Variants in CLDN9 observed in about 807,000 individuals in gnomAD.
The protein encoded by CLDN9 is claudin 9.
In CLDN9, 14 loss-of-function variants were observed where a neutral mutation model predicts 10.1. That is an observed-to-expected ratio of 1.38 (90% confidence interval 0.91 to 2.16). CLDN9 has a LOEUF of 2.16. Ranked by LOEUF, CLDN9 falls within the 30% of genes most tolerant of loss-of-function variation. The probability of loss-of-function intolerance (pLI) is 0.00; values close to 1 mark genes in which losing one functional copy is unlikely to be tolerated. For synonymous variants in CLDN9, 162 were observed against 143.1 expected (o/e 1.13, Z -0.95); for missense variants, 332 against 294.8 (o/e 1.13, Z -0.93).
At position 3,013,893 on chromosome 16, in the gene CLDN9, C is replaced by CG. The variant is rs763852712; in HGVS notation, c.537dup (p.Leu180AlafsTer104). 6 of 1,608,284 alleles carry CG rather than the reference C, an allele frequency of 3.7e-6. No homozygotes were observed. Among genetic ancestry groups the CG allele is most frequent in the African/African-American group, 1.3e-5 (1 of 74,644 alleles). On this transcript the variant is annotated frameshift_variant, in exon 1 of 1. Coordinates refer to ENST00000445369, the MANE Select transcript of CLDN9 (RefSeq NM_020982.4). LOFTEE classifies it high-confidence loss of function. The surrounding 1 kb of genome is among the most constrained non-coding windows in gnomAD (Gnocchi z 6.4). ...CGGCGGCTGCACTGCTTATGCTGGG[C>CG]GGGGGGCTCCTCTGCTGCACGTGCC...
In CLDN9 at chr16:3,013,815, G is replaced by A; in HGVS notation, c.453G>A (p.Leu151=). ...HAIIQDFYNP[L]VAEALKRELG... is the part of the protein sequence containing the mutation. ...TCATCCAGGACTTCTACAACCCCCTGGTGGCTGAGGCCCTCAAGCGGGAGC... is the reference window on the plus strand; with the variant it reads ...TCATCCAGGACTTCTACAACCCCCTAGTGGCTGAGGCCCTCAAGCGGGAGC... Residue 151 remains leucine, a synonymous_variant, in exon 1 of 1, where the codon CTG becomes CTA. Transcript: ENST00000445369. This position sits in a 1 kb window ranked among gnomAD's most constrained non-coding sequence, Gnocchi z 6.4. The A allele has an allele frequency of 6.2e-7, 1 of 1,612,984 alleles. No homozygotes were observed. The highest frequency in any genetic ancestry group is 1.3e-5 in the African/African-American group (1 of 75,036).
rs1382082637 is a variant in CLDN9 at position 3,013,594 on chromosome 16, C to T, written c.232C>T (p.Gln78Ter). 5 of 1,614,046 alleles carry T rather than the reference C, an allele frequency of 3.1e-6. No homozygotes were observed. The highest frequency in any genetic ancestry group is 1.7e-5 in the Admixed American group (1 of 60,024). The part of the protein sequence containing the change: ...DSLLALPQDL[Q>*]AARALCVIAL... ...ACTGCTGGCTCTGCCGCAGGACCTG[C>T]AGGCCGCACGTGCCCTCTGTGTCAT... Residue 78 changes from glutamine to a stop codon, truncating the protein, a stop_gained, in exon 1 of 1, where the codon CAG becomes TAG. Transcript: ENST00000445369. LOFTEE classifies it high-confidence loss of function. The surrounding 1 kb of genome is among the most constrained non-coding windows in gnomAD (Gnocchi z 6.4).
Position 3,014,137 on chromosome 16 carries a change from AG to A in CLDN9, c.*122del. On this transcript the variant is annotated 3_prime_UTR_variant, in exon 1 of 1. Transcript: ENST00000445369. ...TCCCCAGGAAAACCCACTTTCCAAA[AG>A]CCCAAGCTACACCTGGCTGCAGGGC... is the stretch of plus-strand genomic sequence containing the variant. 8.7e-7 allele frequency: 1 copy of A among 1,149,894 alleles called. No homozygotes were observed. Among genetic ancestry groups the A allele is most frequent in the Non-Finnish European group, 1.2e-6 (1 of 830,176 alleles). 71.2% of individuals were successfully genotyped at this position (1,149,894 alleles called of 1,614,324 possible). A position where few individuals can be genotyped will look rare whatever the true frequency, so the allele number is the denominator to read the frequency against.
chr16:3,014,268 TC>T lies in CLDN9; in HGVS notation c.*256del. 3 of 423,062 alleles carry T rather than the reference TC, an allele frequency of 7.1e-6. No homozygotes were observed. Among genetic ancestry groups the T allele is most frequent in the Non-Finnish European group, 1.3e-5 (3 of 230,884 alleles). 26.2% of individuals were successfully genotyped at this position (423,062 alleles called of 1,614,324 possible). ...TTGGGAACCCTGGCCTGCCCCCACCTCCCCAGTAATTGTTTCCTTCCGTTGC... is the reference window on the plus strand; with the variant it reads ...TTGGGAACCCTGGCCTGCCCCCACCTCCCAGTAATTGTTTCCTTCCGTTGC... On this transcript the variant is annotated 3_prime_UTR_variant, in exon 1 of 1. Coordinates refer to ENST00000445369, the MANE Select transcript of CLDN9 (RefSeq NM_020982.4).
rs1030451039 is a variant in CLDN9, at chr16:3,012,968, G to A, written c.-395G>A. The A allele has an allele frequency of 6.9e-5, 16 of 231,528 alleles. No homozygotes were observed. Among genetic ancestry groups the A allele is most frequent in the Admixed American group, 2.0e-4 (4 of 19,560 alleles). The allele number at this position is 231,528 out of a possible 1,614,324, so 14.3% of individuals were successfully genotyped here. ...TCAGAGTCGCTCAGTGGGAACCTGC[G>A]CCAGCCGGCAGGAGACGTGGCTGTC... On this transcript the variant is annotated 5_prime_UTR_variant, in exon 1 of 1. Transcript: ENST00000445369.
rs781642627 is a variant in CLDN9, at chr16:3,013,649, T to G, written c.287T>G (p.Leu96Arg). ...IALLLALLGLLVAITGAQCTT... is the reference protein window; with the variant it reads ...IALLLALLGLRVAITGAQCTT... ...CTCCTGCTGGCCCTGCTTGGCCTCC[T>G]GGTGGCCATCACAGGTGCCCAGTGT... The change falls in exon 1 of 1, where the codon CTG becomes CGG. Residue 96 changes from leucine (L) to arginine (R), a missense_variant. Transcript: ENST00000445369. This position sits in a 1 kb window ranked among gnomAD's most constrained non-coding sequence, Gnocchi z 6.4. 12 of 1,613,992 alleles carry G rather than the reference T, an allele frequency of 7.4e-6. No homozygotes were observed. The highest frequency in any genetic ancestry group is 8.5e-6 in the Non-Finnish European group (10 of 1,180,002).
rs927094153 is a variant in CLDN9, at chr16:3,013,192, G to C, written c.-171G>C. The C allele has an allele frequency of 2.9e-6, 2 of 680,536 alleles. No individual in the cohort carries two copies. Among genetic ancestry groups the C allele is most frequent in the Non-Finnish European group, 4.9e-6 (2 of 411,178 alleles). The allele number at this position is 680,536 out of a possible 1,614,324, so 42.2% of individuals were successfully genotyped here. On this transcript the variant is annotated 5_prime_UTR_variant, in exon 1 of 1. Transcript: ENST00000445369. This position sits in a 1 kb window ranked among gnomAD's most constrained non-coding sequence, Gnocchi z 6.4. ...AAACACCTGCAAGAGGCACGGAGAG[G>C]AGGCGCCTTTCAAGAGGCGCCTTTC...
At position 3,013,450 on chromosome 16, in the gene CLDN9, T is replaced by C. The variant is rs2072541720; in HGVS notation, c.88T>C (p.Trp30Arg). 2 of 1,613,952 alleles carry C rather than the reference T, an allele frequency of 1.2e-6. No homozygotes were observed. The highest frequency in any genetic ancestry group is 1.7e-6 in the Non-Finnish European group (2 of 1,180,016). ...CCTGGTGTCCTGCGCCCTGCCCCTG[T>C]GGAAGGTGACCGCCTTCATCGGCAA... ...GTLVSCALPL[W>R]KVTAFIGNSI... Residue 30 changes from tryptophan to arginine, a missense_variant, in exon 1 of 1, where the codon TGG becomes CGG. Trp to Arg is a moderately radical substitution (Grantham distance 101). Coordinates refer to ENST00000445369, the MANE Select transcript of CLDN9 (RefSeq NM_020982.4). The surrounding 1 kb of genome is among the most constrained non-coding windows in gnomAD (Gnocchi z 6.4).
Position 3,014,138 on chromosome 16 carries a change from G to A in CLDN9, c.*122G>A. On this transcript the variant is annotated 3_prime_UTR_variant, in exon 1 of 1. Transcript: ENST00000445369. ...CCCCAGGAAAACCCACTTTCCAAAA[G>A]CCCAAGCTACACCTGGCTGCAGGGC... 1 of 1,154,230 alleles carries A rather than the reference G, an allele frequency of 8.7e-7. No homozygotes were observed. 71.5% of individuals were successfully genotyped at this position (1,154,230 alleles called of 1,614,324 possible). A position where few individuals can be genotyped will look rare whatever the true frequency, so the allele number is the denominator to read the frequency against.
Position 3,013,938 on chromosome 16 carries a change from G to T in CLDN9, c.576G>T (p.Arg192=). Residue 192 remains arginine, a synonymous_variant, in exon 1 of 1, where the codon CGG becomes CGT. Coordinates refer to ENST00000445369, the MANE Select transcript of CLDN9 (RefSeq NM_020982.4). The surrounding 1 kb of genome is among the most constrained non-coding windows in gnomAD (Gnocchi z 6.4). The part of the protein sequence containing the change: ...CCTCPPPQVE[R]PRGPRLGYSI... ...CGTGCCCCCCGCCCCAGGTCGAGCG[G>T]CCCCGCGGACCTCGGCTGGGCTACT... The T allele has an allele frequency of 6.3e-7, 1 of 1,577,332 alleles. No homozygotes were observed. The highest frequency in any genetic ancestry group is 8.6e-7 in the Non-Finnish European group (1 of 1,164,800).
Position 3,013,226 on chromosome 16 carries a change from G to A in CLDN9, c.-137G>A. The A allele has an allele frequency of 1.0e-6, 1 of 997,090 alleles. No homozygotes were observed. The highest frequency in any genetic ancestry group is 2.3e-4 in the Middle Eastern group (1 of 4,264). 61.8% of individuals were successfully genotyped at this position (997,090 alleles called of 1,614,324 possible). On this transcript the variant is annotated 5_prime_UTR_variant, in exon 1 of 1. Transcript: ENST00000445369. The surrounding 1 kb of genome is among the most constrained non-coding windows in gnomAD (Gnocchi z 6.4). ...TTCAAGAGGCGCCTTTCATGGAACT[G>A]AGGACTGGCCTGGCTTGGGGACACC...
chr16:3,013,969 C>A lies in CLDN9; in HGVS notation c.607C>A (p.Pro203Thr). ...PRGPRLGYSI[P>T]SRSGASGLDK... ...CGGACCTCGGCTGGGCTACTCCATC[C>A]CCTCCCGCTCGGGTGCATCTGGACT... Residue 203 changes from proline (P) to threonine (T), a missense_variant, in exon 1 of 1, where the codon CCC (proline) becomes ACC (threonine). By Grantham distance (38) the Pro-to-Thr change is conservative. Coordinates refer to ENST00000445369, the MANE Select transcript of CLDN9 (RefSeq NM_020982.4). The surrounding 1 kb of genome is among the most constrained non-coding windows in gnomAD (Gnocchi z 6.4). The A allele has an allele frequency of 1.3e-6, 2 of 1,539,904 alleles. No homozygotes were observed. Among genetic ancestry groups the A allele is most frequent in the Non-Finnish European group, 1.7e-6 (2 of 1,148,192 alleles).
In CLDN9 at chr16:3,013,603, C is replaced by T. The variant is rs375644575; in HGVS notation, c.241C>T (p.Arg81Cys). 13 of 1,613,876 alleles carry T rather than the reference C, an allele frequency of 8.1e-6. No homozygotes were observed. The highest frequency in any genetic ancestry group is 5.3e-5 in the African/African-American group (4 of 74,928). Residue 81 changes from arginine to cysteine, a missense_variant, in exon 1 of 1, where the codon CGT (arginine) becomes TGT (cysteine). Physicochemically the swap from Arg to Cys is radical, Grantham distance 180. Transcript: ENST00000445369. The surrounding 1 kb of genome is among the most constrained non-coding windows in gnomAD (Gnocchi z 6.4). ...TCTGCCGCAGGACCTGCAGGCCGCA[C>T]GTGCCCTCTGTGTCATTGCCCTCCT... ...LALPQDLQAA[R>C]ALCVIALLLA...
chr16:3,013,745 C>T lies in CLDN9; in HGVS notation c.383C>T (p.Ala128Val), dbSNP rs1352248795. 6.2e-7 allele frequency: 1 copy of T among 1,613,576 alleles called. No homozygotes were observed. Among genetic ancestry groups the T allele is most frequent in the Non-Finnish European group, 8.5e-7 (1 of 1,179,986 alleles). ...ACCGCGGGGGTCATCCTCCTCCTCG[C>T]CGGCATCCTGGTGCTCATCCCTGTG... ...VLTAGVILLLAGILVLIPVCW... is the reference protein window; with the variant it reads ...VLTAGVILLLVGILVLIPVCW... Residue 128 changes from alanine to valine, a missense_variant, in exon 1 of 1, where the codon GCC (alanine) becomes GTC (valine). Physicochemically the swap from Ala to Val is moderately conservative, Grantham distance 64. Coordinates refer to ENST00000445369, the MANE Select transcript of CLDN9 (RefSeq NM_020982.4). This position sits in a 1 kb window ranked among gnomAD's most constrained non-coding sequence, Gnocchi z 6.4.
rs1193672984 is a variant in CLDN9, at chr16:3,013,830, C to G, written c.468C>G (p.Leu156=). ...ACAACCCCCTGGTGGCTGAGGCCCT[C>G]AAGCGGGAGCTGGGGGCCTCCCTCT... ...DFYNPLVAEA[L]KRELGASLYL... Residue 156 remains leucine (L), a synonymous_variant, in exon 1 of 1, where the codon CTC becomes CTG. Transcript: ENST00000445369. This position sits in a 1 kb window ranked among gnomAD's most constrained non-coding sequence, Gnocchi z 6.4. 14 of 1,612,586 alleles carry G rather than the reference C, an allele frequency of 8.7e-6. No homozygotes were observed. The highest frequency in any genetic ancestry group is 8.3e-5 in the Admixed American group (5 of 59,984).
Position 3,013,949 on chromosome 16 carries a change from C to A in CLDN9, c.587C>A (p.Pro196His). 1 of 1,563,492 alleles carries A rather than the reference C, an allele frequency of 6.4e-7. No individual in the cohort carries two copies. Among genetic ancestry groups the A allele is most frequent in the African/African-American group, 1.4e-5 (1 of 72,910 alleles). The change falls in exon 1 of 1, where the codon CCT becomes CAT. Residue 196 changes from proline (P) to histidine (H), a missense_variant. Transcript: ENST00000445369. The surrounding 1 kb of genome is among the most constrained non-coding windows in gnomAD (Gnocchi z 6.4). ...PPPQVERPRG[P>H]RLGYSIPSRS... ...CCCCAGGTCGAGCGGCCCCGCGGAC[C>A]TCGGCTGGGCTACTCCATCCCCTCC...
In CLDN9 at chr16:3,013,102, C is replaced by G. The variant is rs1348127160; in HGVS notation, c.-261C>G. 2 of 516,210 alleles carry G rather than the reference C, an allele frequency of 3.9e-6. No individual in the cohort carries two copies. Among genetic ancestry groups the G allele is most frequent in the Non-Finnish European group, 7.0e-6 (2 of 287,006 alleles). The allele number at this position is 516,210 out of a possible 1,614,324, so 32.0% of individuals were successfully genotyped here. Reference sequence around the variant, plus strand: ...GGGCATCCGATGGGCGGAGGCCCCTCGAGGTGACACCCACCACTCAGCCGA... The same window carrying G: ...GGGCATCCGATGGGCGGAGGCCCCTGGAGGTGACACCCACCACTCAGCCGA... On this transcript the variant is annotated 5_prime_UTR_variant, in exon 1 of 1. Coordinates refer to ENST00000445369, the MANE Select transcript of CLDN9 (RefSeq NM_020982.4). This position sits in a 1 kb window ranked among gnomAD's most constrained non-coding sequence, Gnocchi z 6.4.
Position 3,014,061 on chromosome 16 carries a change from C to T in CLDN9, c.*45C>T, listed in dbSNP as rs992241837. Reference sequence around the variant, plus strand: ...AGCCCACTGCTCCCCACTGCCCCGCCCTTTCGACCTTGGCCTGATGACCAG... The same window carrying T: ...AGCCCACTGCTCCCCACTGCCCCGCTCTTTCGACCTTGGCCTGATGACCAG... On this transcript the variant is annotated 3_prime_UTR_variant, in exon 1 of 1. Transcript: ENST00000445369. 4 of 1,503,270 alleles carry T rather than the reference C, an allele frequency of 2.7e-6. No homozygotes were observed. The highest frequency in any genetic ancestry group is 3.6e-6 in the Non-Finnish European group (4 of 1,124,976). 93.1% of individuals were successfully genotyped at this position (1,503,270 alleles called of 1,614,324 possible). A position where few individuals can be genotyped will look rare whatever the true frequency, so the allele number is the denominator to read the frequency against.
In CLDN9 at chr16:3,013,287, C is replaced by T; in HGVS notation, c.-76C>T. 3.4e-6 allele frequency: 5 copies of T among 1,481,006 alleles called. No homozygotes were observed. Among genetic ancestry groups the T allele is most frequent in the Middle Eastern group, 3.5e-4 (2 of 5,686 alleles). 91.7% of individuals were successfully genotyped at this position (1,481,006 alleles called of 1,614,324 possible). ...CCCCCTCCTGCTGGACACAGAGACA[C>T]CCACCCAGCACACCAGACACACCCT... On this transcript the variant is annotated 5_prime_UTR_variant, in exon 1 of 1. Transcript: ENST00000445369. The surrounding 1 kb of genome is among the most constrained non-coding windows in gnomAD (Gnocchi z 6.4).
Sources: gnomAD v4.1 joint callset for allele counts on GRCh38, gnomAD v4.1.1 for gene constraint, Gnocchi (gnomAD v3.1) non-coding constraint, MANE v1.5 for transcripts, NCBI Gene and HGNC (gene_info 2026-07-23, HGNC 2026-07-21) for gene names.